MFHAS1: variants seen among roughly 807,000 people sequenced by gnomAD.
MFHAS1 encodes multifunctional ROCO family signaling regulator 1.
In MFHAS1, 50 loss-of-function variants were observed where a neutral mutation model predicts 70.4. The ratio of observed to expected loss-of-function variants is 0.71; its 90% CI spans 0.57 to 0.90. The LOEUF (loss-of-function observed/expected upper bound fraction) is 0.90. MFHAS1 is among the 40% of genes least tolerant of loss of function. MFHAS1 has a pLI of 0.00. For synonymous variants in MFHAS1, 952 were observed against 620.0 expected, an observed-to-expected ratio of 1.54 and a Z score of -7.96; for missense variants, 1,795 against 1,347.6, an observed-to-expected ratio of 1.33 and a Z score of -5.20.
At chr8:8,793,827 C>T (rs1805800323) in intron 2 of MFHAS1, among the ~76,000 whole-genome samples, 1 of 152,194 alleles carries the variant, frequency 6.6e-6, no homozygotes. Context: ...GTGGCTTCTT[C>T]TGTTTTTTAG....
chr8:8,858,647 T>A (rs1268681538), intron 1 of MFHAS1, among the ~76,000 whole-genome samples: 1 of 152,072 alleles, frequency 6.6e-6, no homozygotes, highest in Non-Finnish European at 1.5e-5. Flanking sequence ...GGTATATATA[T>A]GGGGGGTTGG....
intron 1 of MFHAS1, among the ~76,000 whole-genome samples, chr8:8,832,054 G>GCACA (rs370279756): frequency 0.12 from 13,569 of 112,410 alleles, 782 homozygotes; most frequent in Admixed American, 0.18. Context: ...ATGCACGCGC[G>GCACA]CGCGCGCGCA....
At chr8:8,846,894 T>G (rs2116864075) in intron 1 of MFHAS1, among the ~76,000 whole-genome samples, 1 of 152,300 alleles carries the variant, frequency 6.6e-6, no homozygotes, top group East Asian at 1.9e-4. Context: ...CTTTGTGCAG[T>G]GTCTACGATG....
At chr8:8,846,951 A>G (rs932110611) in intron 1 of MFHAS1, among the ~76,000 whole-genome samples, 1 of 152,208 alleles carries the variant, frequency 6.6e-6, no homozygotes, top group Non-Finnish European at 1.5e-5. Context: ...ATGAAGGAAT[A>G]AACTTATTAT....
intron 1 of MFHAS1, among the ~76,000 whole-genome samples, chr8:8,800,150 T>C (rs1364501446): frequency 1.3e-5 from 2 of 152,236 alleles, no homozygotes; most frequent in Non-Finnish European, 2.9e-5. Context: ...CATACTTTTA[T>C]GAAAAACATT....
rs1388394086 is a variant in MFHAS1 at position 8,785,243 on chromosome 8, C to T, written c.*779G>A. 1.3e-5 allele frequency: 2 copies of T among 152,154 alleles called. No homozygotes were observed. The highest frequency in any genetic ancestry group is 1.9e-4 in the East Asian group (1 of 5,192). 9.4% of individuals were successfully genotyped at this position (152,154 alleles called of 1,614,324 possible). On this transcript the variant is annotated 3_prime_UTR_variant, in exon 3 of 3. Transcript: ENST00000276282. The stretch of plus-strand genomic sequence containing the variant: ...CACGTTGGAAGAGCAAAGGATTTCC[C>T]ACCAGCGTGCCAGATGATTTATATA...
intron 1 of MFHAS1, among the ~76,000 whole-genome samples, chr8:8,844,458 A>G (rs1218622677): frequency 1.3e-5 from 2 of 152,260 alleles, no homozygotes; most frequent in African/African-American, 2.4e-5. Context: ...CTAGGCATAT[A>G]CACAGCACAC....
chr8:8,786,992 G>A lies in MFHAS1; in HGVS notation c.3126-937C>T, dbSNP rs989633475. On this transcript the variant is annotated intron_variant, in intron 2 of 2. Coordinates refer to ENST00000276282, the MANE Select transcript of MFHAS1 (RefSeq NM_004225.3). ...AAAACCTCTCATTTACTAACTACAT[G>A]CCAGGAATTAGGTTGTTCACTCTAG... Among the ~76,000 whole-genome samples, 10 of 151,902 alleles carry A rather than the reference G, an allele frequency of 6.6e-5. 1 individual carries two copies. The highest frequency in any genetic ancestry group is 2.4e-4 in the African/African-American group (10 of 41,372).
intron 1 of MFHAS1, among the ~76,000 whole-genome samples, chr8:8,818,656 A>T (rs1007984922): frequency 1.6e-4 from 25 of 152,242 alleles, no homozygotes; most frequent in African/African-American, 5.5e-4. Flanking sequence ...GGCTTGGCAC[A>T]TAATAGCAAC....
intron 1 of MFHAS1, among the ~76,000 whole-genome samples, chr8:8,848,154 T>G (rs755332448): frequency 4.6e-5 from 7 of 152,230 alleles, no homozygotes; most frequent in Non-Finnish European, 8.8e-5. Context: ...TTTGCTTCTC[T>G]GTCCCTTTTA....
intron 1 of MFHAS1, among the ~76,000 whole-genome samples, chr8:8,889,416 G>C (rs534370692): frequency 6.6e-6 from 1 of 152,248 alleles, no homozygotes; most frequent in East Asian, 1.9e-4. Flanking sequence ...AATTACAAAA[G>C]ATTTTCTCTG....
chr8:8,872,675 T>C (rs765118037), intron 1 of MFHAS1, among the ~76,000 whole-genome samples: 2 of 152,054 alleles, frequency 1.3e-5, no homozygotes, highest in African/African-American at 4.8e-5. Flanking sequence ...GCTGATAAGC[T>C]CTGGCTGGCT....
At chr8:8,843,092 G>A (rs7017006) in intron 1 of MFHAS1, among the ~76,000 whole-genome samples, 8 of 149,868 alleles carry the variant, frequency 5.3e-5, no homozygotes, top group African/African-American at 1.7e-4. Flanking sequence ...GGTGAAACCC[G>A]GTCTCTACTA....
At position 8,881,090 on chromosome 8, in the gene MFHAS1, T is replaced by C. The variant is rs370650487; in HGVS notation, c.2998+8971A>G. Among the ~76,000 whole-genome samples the C allele has an allele frequency of 4.1e-4, 62 of 152,280 alleles. No individual in the cohort carries two copies. In the South Asian group the frequency reaches 5.0e-3, roughly 12 times the overall value. On this transcript the variant is annotated intron_variant, in intron 1 of 2. Coordinates refer to ENST00000276282, the MANE Select transcript of MFHAS1 (RefSeq NM_004225.3). ...TCTTCCTCTGCCCACATTCTTCTCC[T>C]GCTCCAACGTGCACTTTTTAGACTC...
intron 1 of MFHAS1, among the ~76,000 whole-genome samples, chr8:8,800,579 G>C (rs932535762): frequency 6.6e-6 from 1 of 152,092 alleles, no homozygotes; most frequent in Non-Finnish European, 1.5e-5. Flanking sequence ...GGACTCCAAC[G>C]AGAAGTTGCT....
At chr8:8,787,297 A>G (rs7010952) in intron 2 of MFHAS1, among the ~76,000 whole-genome samples, 5,514 of 152,076 alleles carry the variant, frequency 0.036, 151 homozygotes, top group African/African-American at 0.075. Context: ...AGCCAGGATG[A>G]TCTTGATCTC....
intron 1 of MFHAS1, among the ~76,000 whole-genome samples, chr8:8,815,108 C>T (rs1014772883): frequency 1.3e-5 from 2 of 152,144 alleles, no homozygotes. Flanking sequence ...TGAGTGACAA[C>T]ATGCGGTGTT....
chr8:8,878,147 G>C (rs968969166), intron 1 of MFHAS1, among the ~76,000 whole-genome samples: 2 of 152,114 alleles, frequency 1.3e-5, no homozygotes, highest in African/African-American at 4.8e-5. Flanking sequence ...GCTGACCTCT[G>C]CACGGGCAGC....
rs59496543 is a variant in MFHAS1, at chr8:8,856,980, GAAAAAAAAAAA to G, written c.2998+33070_2998+33080del. Among the ~76,000 whole-genome samples the G allele has an allele frequency of 3.4e-3, 182 of 53,410 alleles. 1 individual carries two copies. In the Middle Eastern group the frequency reaches 0.052, roughly 15 times the overall value. 35.0% of individuals were successfully genotyped at this position (53,410 alleles called of 152,430 possible). A position where few individuals can be genotyped will look rare whatever the true frequency, so the allele number is the denominator to read the frequency against. ...CCTGACACTTTCACATCAGGAAAGT[GAAAAAAAAAAA>G]AAAAAAAAAAAAAAAAAGAGGAGAG... On this transcript the variant is annotated intron_variant, in intron 1 of 2. Coordinates refer to ENST00000276282, the MANE Select transcript of MFHAS1 (RefSeq NM_004225.3).
Sources: gnomAD v4.1 joint callset for allele counts (sites outside exome capture counted in the v4.1 genomes callset) on GRCh38, gnomAD v4.1.1 for gene constraint, MANE v1.5 for transcripts, NCBI Gene and HGNC (gene_info 2026-07-23, HGNC 2026-07-21) for gene names.